MERTK: variants seen among roughly 807,000 people sequenced by gnomAD.
MERTK encodes the protein tyrosine-protein kinase Mer.
In MERTK, 69 loss-of-function variants were observed where a neutral mutation model predicts 99.3. That is an observed-to-expected ratio of 0.70 (90% CI 0.57 to 0.85). The LOEUF (loss-of-function observed/expected upper bound fraction) is 0.85. Among genes scored for constraint, MERTK ranks in the 40% least tolerant of loss-of-function variants. The probability of loss-of-function intolerance (pLI) is 0.00; values close to 1 mark genes in which losing one functional copy is unlikely to be tolerated. For synonymous variants in MERTK, 426 were observed against 467.6 expected (o/e 0.91, Z 1.15); for missense variants, 1,125 against 1,249.4 (o/e 0.90, Z 1.50).
At chr2:111,989,389 C>T (rs1676562129) in intron 8 of MERTK, among the ~76,000 whole-genome samples, 1 of 150,054 alleles carries the variant, frequency 6.7e-6, no homozygotes, top group South Asian at 2.1e-4. Context: ...CAGAGTCTCG[C>T]TCTGTCACCC....
rs752016128 is a variant in MERTK at position 112,028,591 on chromosome 2, C to T, written c.2727C>T (p.Arg909=). The T allele has an allele frequency of 9.3e-6, 15 of 1,614,074 alleles. No individual in the cohort carries two copies. The highest frequency in any genetic ancestry group is 3.3e-5 in the Admixed American group (2 of 60,002). ...CTATAATTGCCTCCTGCACTCCCCG[C>T]GCTGCCATCAGTGTGGTCACAGCAG... ...PDSIIASCTP[R]AAISVVTAEV... The change falls in exon 19 of 19, where the codon CGC becomes CGT. Residue 909 remains arginine (R), a synonymous_variant. Transcript: ENST00000295408.
rs1362943352 is a variant in MERTK, at chr2:111,994,418, C to T, written c.1450+14C>T. 3.7e-6 allele frequency: 6 copies of T among 1,613,802 alleles called. No homozygotes were observed. The highest frequency in any genetic ancestry group is 5.1e-6 in the Non-Finnish European group (6 of 1,179,942). ...TCCCTGCACACGGTGAGAGCTATAC[C>T]CAGTAAGGGCTGATAGGATGTGATG... On this transcript the variant is annotated intron_variant, in intron 9 of 18. Coordinates refer to ENST00000295408, the MANE Select transcript of MERTK (RefSeq NM_006343.3).
At chr2:111,966,309 C>T (rs528631249) in intron 5 of MERTK, among the ~76,000 whole-genome samples, 11 of 152,190 alleles carry the variant, frequency 7.2e-5, no homozygotes, top group Non-Finnish European at 1.3e-4. Flanking sequence ...TTAGTTTCAG[C>T]AAATCAACTG....
intron 1 of MERTK, among the ~76,000 whole-genome samples, chr2:111,918,586 C>T (rs1275787824): frequency 6.6e-6 from 1 of 152,168 alleles, no homozygotes; most frequent in Non-Finnish European, 1.5e-5. Flanking sequence ...CAGAGGGAAA[C>T]CTTTGGTTAA....
intron 15 of MERTK, among the ~76,000 whole-genome samples, chr2:112,016,877 G>A (rs1250721503): frequency 6.6e-6 from 1 of 152,182 alleles, no homozygotes; most frequent in Non-Finnish European, 1.5e-5. Flanking sequence ...ATCACCTGAG[G>A]TCAGGATGTG....
chr2:111,962,320 C>T (rs1685265758), intron 4 of MERTK, among the ~76,000 whole-genome samples: 1 of 152,086 alleles, frequency 6.6e-6, no homozygotes, highest in Non-Finnish European at 1.5e-5. Context: ...CCAGCCTGGA[C>T]AACATGGTGA....
At chr2:112,019,975 C>T (rs1015891236) in intron 16 of MERTK, among the ~76,000 whole-genome samples, 1 of 152,242 alleles carries the variant, frequency 6.6e-6, no homozygotes, top group Non-Finnish European at 1.5e-5. Context: ...ACAATGGCTT[C>T]ATTATACAAG....
chr2:111,925,292 A>ATATATATATATATTTATTTTT (rs372747015), intron 1 of MERTK, among the ~76,000 whole-genome samples: 1 of 24,488 alleles, frequency 4.1e-5, no homozygotes, highest in Non-Finnish European at 7.3e-5. Context: ...ATATATATAT[A>ATATATATATATATTTATTTTT]TTTTTTTTTT....
intron 6 of MERTK, among the ~76,000 whole-genome samples, chr2:111,972,066 T>C (rs991691137): frequency 6.6e-6 from 1 of 152,196 alleles, no homozygotes; most frequent in African/African-American, 2.4e-5. Flanking sequence ...GTTTCGCGCT[T>C]ATTGCCCAGG....
At chr2:111,963,515 C>G (rs995554639) in intron 4 of MERTK, among the ~76,000 whole-genome samples, 1 of 152,174 alleles carries the variant, frequency 6.6e-6, no homozygotes, top group Non-Finnish European at 1.5e-5. Flanking sequence ...TGCGGCCTTC[C>G]GCAGTGTTTG....
chr2:111,974,503 C>G (rs141956353), intron 6 of MERTK, among the ~76,000 whole-genome samples: 2 of 152,002 alleles, frequency 1.3e-5, no homozygotes, highest in African/African-American at 4.8e-5. Flanking sequence ...GGTGTGGTGG[C>G]TCACGCCTGT....
intron 4 of MERTK, among the ~76,000 whole-genome samples, chr2:111,963,559 T>G (rs557911870): frequency 6.6e-6 from 1 of 150,886 alleles, no homozygotes; most frequent in Admixed American, 6.6e-5. Context: ...GGAGTGGTGA[T>G]GACTCTTAAC....
chr2:111,994,298 C>G lies in MERTK; in HGVS notation c.1344C>G (p.Ile448Met). Residue 448 changes from isoleucine to methionine, a missense_variant, in exon 9 of 19, where the codon ATC (isoleucine) becomes ATG (methionine). Transcript: ENST00000295408. Reference sequence around the variant, plus strand: ...GCCAGAATGGCAGCCGAGCTCGGATCTCTGTTCAAGTCCACAATGCTACGT... The same window carrying G: ...GCCAGAATGGCAGCCGAGCTCGGATGTCTGTTCAAGTCCACAATGCTACGT... ...EVGQNGSRARISVQVHNATCT... is the reference protein window; with the variant it reads ...EVGQNGSRARMSVQVHNATCT... 1 of 1,614,174 alleles carries G rather than the reference C, an allele frequency of 6.2e-7. No homozygotes were observed. The highest frequency in any genetic ancestry group is 1.7e-4 in the Middle Eastern group (1 of 6,060).
At chr2:111,990,683 T>C (rs1042037040) in intron 8 of MERTK, among the ~76,000 whole-genome samples, 2 of 152,196 alleles carry the variant, frequency 1.3e-5, no homozygotes, top group South Asian at 4.1e-4. Flanking sequence ...TTTCTGATTT[T>C]GGAATATTTG....
chr2:111,968,352 A>G (rs749653649), intron 6 of MERTK, 100 bp downstream of exon 6: 255 of 921,324 alleles, frequency 2.8e-4, no homozygotes, highest in South Asian at 1.6e-3. Flanking sequence ...GCATTTCTCC[A>G]TCTCTGTACA....
intron 2 of MERTK, among the ~76,000 whole-genome samples, chr2:111,942,682 C>G (rs1472817413): frequency 6.6e-6 from 1 of 152,114 alleles, no homozygotes; most frequent in Non-Finnish European, 1.5e-5. Flanking sequence ...CAGGTGCATT[C>G]CAAAATTATA....
At position 111,983,076 on chromosome 2, in the gene MERTK, G is replaced by A. The variant is rs1676405281; in HGVS notation, c.1296+83G>A. 22 of 1,541,056 alleles carry A rather than the reference G, an allele frequency of 1.4e-5. No homozygotes were observed. The South Asian group carries it at 2.5e-4, about 17-fold the overall frequency. On this transcript the variant is annotated intron_variant, in intron 8 of 18. Coordinates refer to ENST00000295408, the MANE Select transcript of MERTK (RefSeq NM_006343.3). Reference sequence around the variant, plus strand: ...CTTCAGTTTTAGAAGCTTTCATTTGGTTTTGAAAAGACCTGGTGTGATTGA... The same window carrying A: ...CTTCAGTTTTAGAAGCTTTCATTTGATTTTGAAAAGACCTGGTGTGATTGA...
intron 2 of MERTK, among the ~76,000 whole-genome samples, chr2:111,934,200 T>C (rs1292955109): frequency 2.0e-5 from 3 of 152,174 alleles, no homozygotes; most frequent in Non-Finnish European, 4.4e-5. Context: ...CATATGTCTT[T>C]ATAGTAGAAT....
chr2:111,920,552 T>C lies in MERTK; in HGVS notation c.62-8568T>C, dbSNP rs573122460. On this transcript the variant is annotated intron_variant, in intron 1 of 18. Transcript: ENST00000295408. ...ATCCATCAGGTCAAGTGAGTTCTGA[T>C]TGAAGGTTGTTTTTTTTTTTTCTTT... Among the ~76,000 whole-genome samples, 812 of 135,572 alleles carry C rather than the reference T, an allele frequency of 6.0e-3. 8 individuals carry two copies. The highest frequency in any genetic ancestry group is 0.021 in the African/African-American group (783 of 37,444). 88.9% of individuals were successfully genotyped at this position (135,572 alleles called of 152,430 possible). A position where few individuals can be genotyped will look rare whatever the true frequency, so the allele number is the denominator to read the frequency against.
Sources: gnomAD v4.1 joint callset for allele counts (sites outside exome capture counted in the v4.1 genomes callset) on GRCh38, gnomAD v4.1.1 for gene constraint, MANE v1.5 for transcripts, NCBI Gene and HGNC (gene_info 2026-07-23, HGNC 2026-07-21) for gene names.